EDIL3: variants seen among roughly 807,000 people sequenced by gnomAD.
EDIL3 encodes the protein EGF like and discoidin domains 3.
Under a neutral mutation model 67.4 loss-of-function variants are expected in EDIL3, and 37 were observed. That is an observed-to-expected ratio of 0.55 (90% CI 0.42 to 0.72). The LOEUF is 0.72. Ranked by LOEUF, EDIL3 falls within the 30% of genes least tolerant of loss-of-function variation. The probability of loss-of-function intolerance (pLI) is 0.00; values close to 1 mark genes in which losing one functional copy is unlikely to be tolerated. For missense variants in EDIL3, 527 were observed against 586.3 expected, an observed-to-expected ratio of 0.90 and a Z score of 1.04; for synonymous variants, 195 against 196.3, an observed-to-expected ratio of 0.99 and a Z score of 0.05.
intron 5 of EDIL3, among the ~76,000 whole-genome samples, chr5:84,125,709 C>T (rs951411745): frequency 3.3e-5 from 5 of 151,972 alleles, no homozygotes; most frequent in Non-Finnish European, 7.4e-5. Flanking sequence ...TATACATAAT[C>T]CTATGATTCT....
In EDIL3 at chr5:84,035,588, G is replaced by A. The variant is rs10073920; in HGVS notation, c.1137+24712C>T. Among the ~76,000 whole-genome samples, 1,301 of 152,088 alleles carry A rather than the reference G, an allele frequency of 8.6e-3. 20 individuals carry two copies. Among genetic ancestry groups the A allele is most frequent in the African/African-American group, 0.03 (1,224 of 41,478 alleles). The stretch of plus-strand genomic sequence containing the variant: ...AATCACTTTATTTAAAATGGTATGC[G>A]GAGTATGTGGGTTAATGTAACAAAA... On this transcript the variant is annotated intron_variant, in intron 9 of 10. Coordinates refer to ENST00000296591, the MANE Select transcript of EDIL3 (RefSeq NM_005711.5).
Position 84,120,976 on chromosome 5 carries a change from ATG to A in EDIL3, c.470-14148_470-14147del, listed in dbSNP as rs988272032. ...ACTGAGTCCTCATTCATACATGCCA[ATG>A]GGTAACAGTGACAGTAGGGAGGGGA... On this transcript the variant is annotated intron_variant, in intron 5 of 10. Transcript: ENST00000296591. 2.0e-5 allele frequency among the ~76,000 whole-genome samples: 3 copies of A among 152,100 alleles called. No homozygotes were observed. In the South Asian group the frequency reaches 6.2e-4, roughly 31 times the overall value.
At chr5:84,116,969 C>T (rs922430733) in intron 5 of EDIL3, among the ~76,000 whole-genome samples, 2 of 147,242 alleles carry the variant, frequency 1.4e-5, no homozygotes, top group South Asian at 2.2e-4. Context: ...ATTTATTGTA[C>T]GTAATAATAA....
At chr5:84,056,556 C>G (rs1194646435) in intron 9 of EDIL3, among the ~76,000 whole-genome samples, 3 of 151,998 alleles carry the variant, frequency 2.0e-5, no homozygotes, top group African/African-American at 7.2e-5. Flanking sequence ...AACTATATGA[C>G]AATTAGGCAT....
rs759035720 is a variant in EDIL3, at chr5:84,339,893, T to A, written c.67+44415A>T. 2.0e-4 allele frequency among the ~76,000 whole-genome samples: 30 copies of A among 152,078 alleles called. 1 individual carries two copies. The highest frequency in any genetic ancestry group is 3.7e-4 in the Non-Finnish European group (25 of 67,988). ...TGTTAAAATATACCTAATTATTGAA[T>A]TTTATTCTTGTTCTAATTGTTTTAA... On this transcript the variant is annotated intron_variant, in intron 1 of 10. Coordinates refer to ENST00000296591, the MANE Select transcript of EDIL3 (RefSeq NM_005711.5).
At chr5:84,165,471 C>T (rs2112343725) in intron 4 of EDIL3, among the ~76,000 whole-genome samples, 1 of 152,246 alleles carries the variant, frequency 6.6e-6, no homozygotes, top group Non-Finnish European at 1.5e-5. Context: ...CTGCATTCCT[C>T]TTCTAAGTGC....
At chr5:84,362,371 G>A (rs992014690) in intron 1 of EDIL3, among the ~76,000 whole-genome samples, 2 of 152,018 alleles carry the variant, frequency 1.3e-5, no homozygotes, top group African/African-American at 2.4e-5. Context: ...CTCATTGTCA[G>A]TATCTTTCTA....
chr5:84,254,528 G>C (rs916566197), intron 1 of EDIL3, among the ~76,000 whole-genome samples: 2 of 152,130 alleles, frequency 1.3e-5, no homozygotes, highest in Admixed American at 1.3e-4. Flanking sequence ...ATCTGTAATA[G>C]ACTAGTGTCA....
At chr5:84,358,454 G>C (rs1747531713) in intron 1 of EDIL3, among the ~76,000 whole-genome samples, 3 of 151,966 alleles carry the variant, frequency 2.0e-5, no homozygotes, top group Non-Finnish European at 2.9e-5. Flanking sequence ...GGTGGATTTT[G>C]GTTATTTGAG....
intron 1 of EDIL3, among the ~76,000 whole-genome samples, chr5:84,381,686 A>T (rs186625033): frequency 3.4e-4 from 52 of 152,262 alleles, no homozygotes; most frequent in African/African-American, 1.2e-3. Flanking sequence ...TTGCTTAAAG[A>T]CTTCAGGCAC....
intron 3 of EDIL3, among the ~76,000 whole-genome samples, chr5:84,229,357 T>C (rs1026769528): frequency 6.6e-6 from 1 of 152,200 alleles, no homozygotes; most frequent in African/African-American, 2.4e-5. Context: ...TTGTAAAAAT[T>C]ACATTTTTAA....
rs546002751 is a variant in EDIL3, at chr5:84,049,829, C to T, written c.1137+10471G>A. Among the ~76,000 whole-genome samples the T allele has an allele frequency of 6.6e-5, 10 of 152,084 alleles. No individual in the cohort carries two copies. In the South Asian group the frequency reaches 1.9e-3, roughly 28 times the overall value. On this transcript the variant is annotated intron_variant, in intron 9 of 10. Transcript: ENST00000296591. Reference sequence around the variant, plus strand: ...GCCCTCACACATTTTTGCCATGTCCCGATAGAAATAGCATAACAATTTTAT... The same window carrying T: ...GCCCTCACACATTTTTGCCATGTCCTGATAGAAATAGCATAACAATTTTAT...
chr5:84,046,245 G>T (rs987369740), intron 9 of EDIL3, among the ~76,000 whole-genome samples: 1 of 152,140 alleles, frequency 6.6e-6, no homozygotes, highest in South Asian at 2.1e-4. Context: ...AATTTAGAGG[G>T]CAAGCTGAAT....
In EDIL3 at chr5:84,384,562, C is replaced by A. The variant is rs2112233413; in HGVS notation, c.-188G>T. On this transcript the variant is annotated 5_prime_UTR_variant, in exon 1 of 11. Coordinates refer to ENST00000296591, the MANE Select transcript of EDIL3 (RefSeq NM_005711.5). ...CGAGAGTGGTGACTAAAGAGAGGAG[C>A]CTTTCCTCCCCTTTTGCCTGCGCTC... 1 of 483,038 alleles carries A rather than the reference C, an allele frequency of 2.1e-6. No individual in the cohort carries two copies. The highest frequency in any genetic ancestry group is 2.0e-5 in the African/African-American group (1 of 49,536). The allele number at this position is 483,038 out of a possible 1,614,324, so 29.9% of individuals were successfully genotyped here.
chr5:84,149,418 A>G (rs753451951), intron 4 of EDIL3, among the ~76,000 whole-genome samples: 3 of 152,214 alleles, frequency 2.0e-5, no homozygotes, highest in Admixed American at 6.5e-5. Context: ...GGCATTGGGC[A>G]GAGGACCCAG....
intron 2 of EDIL3, among the ~76,000 whole-genome samples, chr5:84,232,662 T>C (rs867788361): frequency 1.3e-5 from 2 of 152,336 alleles, no homozygotes; most frequent in African/African-American, 4.8e-5. Context: ...TGCAAAGATT[T>C]CTCTATGTAA....
intron 2 of EDIL3, among the ~76,000 whole-genome samples, chr5:84,235,112 T>C (rs879865152): frequency 8.5e-5 from 13 of 152,066 alleles, no homozygotes; most frequent in Non-Finnish European, 5.9e-5. Context: ...AGAGAGAGGT[T>C]TGGGTTAATT....
intron 9 of EDIL3, among the ~76,000 whole-genome samples, chr5:83,989,219 AT>A: frequency 6.6e-6 from 1 of 152,276 alleles, no homozygotes; most frequent in Middle Eastern, 3.4e-3. Context: ...ACAAAGAGAA[AT>A]AGCCACTCCT....
At chr5:84,265,632 T>C (rs1309939345) in intron 1 of EDIL3, among the ~76,000 whole-genome samples, 9 of 152,228 alleles carry the variant, frequency 5.9e-5, no homozygotes, top group African/African-American at 1.9e-4. Context: ...TAAAGTTCTA[T>C]GAAGTAAGTC....
Sources: allele counts gnomAD v4.1 joint callset (sites outside exome capture counted in the v4.1 genomes callset), GRCh38; gene constraint gnomAD v4.1.1; transcripts MANE v1.5; gene names NCBI Gene and HGNC (gene_info 2026-07-23, HGNC 2026-07-21).